SNX29: variants seen among roughly 807,000 people sequenced by gnomAD.
SNX29 encodes sorting nexin 29.
SNX29 carries 78 observed loss-of-function variants against 102.1 expected under a neutral mutation model. That is an observed-to-expected ratio of 0.76 (90% confidence interval 0.64 to 0.92). SNX29 has a LOEUF of 0.92. SNX29 is among the 40% of genes least tolerant of loss of function. The pLI is 0.00. For synonymous variants in SNX29, 580 were observed against 414.5 expected, an observed-to-expected ratio of 1.40 and a Z score of -4.85; for missense variants, 1,280 against 1,061.7, an observed-to-expected ratio of 1.21 and a Z score of -2.86.
intron 13 of SNX29, among the ~76,000 whole-genome samples, chr16:12,136,867 G>A (rs1483514039): frequency 6.6e-6 from 1 of 152,176 alleles, no homozygotes; most frequent in East Asian, 1.9e-4. Context: ...AGTCTCCTGA[G>A]TAGCTGGGAT....
At chr16:12,150,822 A>G (rs1028896758) in intron 13 of SNX29, among the ~76,000 whole-genome samples, 1 of 152,124 alleles carries the variant, frequency 6.6e-6, no homozygotes, top group Non-Finnish European at 1.5e-5. Context: ...CTTTTATCTG[A>G]ATTGGAAATT....
At chr16:11,980,320 C>G (rs1429223852) in intron 1 of SNX29, among the ~76,000 whole-genome samples, 1 of 152,140 alleles carries the variant, frequency 6.6e-6, no homozygotes, top group African/African-American at 2.4e-5. Flanking sequence ...GAGGTTAAAC[C>G]ACATTACAGC....
intron 14 of SNX29, among the ~76,000 whole-genome samples, chr16:12,268,939 C>T (rs369789257): frequency 6.6e-6 from 1 of 152,044 alleles, no homozygotes; most frequent in Non-Finnish European, 1.5e-5. Flanking sequence ...ACACAGATAC[C>T]CCCAAACAGA....
In SNX29 at chr16:12,027,550, G is replaced by T. The variant is rs976612255; in HGVS notation, c.247+106G>T. ...GCAGGGCAGTGATCGCGTGGGACTT[G>T]GTGGGGTGGTGTATGGGCACAGAAA... On this transcript the variant is annotated intron_variant, in intron 4 of 20. Coordinates refer to ENST00000566228, the MANE Select transcript of SNX29 (RefSeq NM_032167.5). 2.9e-6 allele frequency: 4 copies of T among 1,386,926 alleles called. No individual in the cohort carries two copies. The African/African-American group carries it at 5.8e-5, about 20-fold the overall frequency. The allele number at this position is 1,386,926 out of a possible 1,614,324, so 85.9% of individuals were successfully genotyped here. A position where few individuals can be genotyped will look rare whatever the true frequency, so the allele number is the denominator to read the frequency against.
intron 13 of SNX29, among the ~76,000 whole-genome samples, chr16:12,161,218 A>G (rs1392243452): frequency 6.6e-6 from 1 of 152,244 alleles, no homozygotes; most frequent in Non-Finnish European, 1.5e-5. Flanking sequence ...ACCTTTGGAT[A>G]GACAGGGAAT....
At chr16:12,032,487 T>C (rs1159427320) in intron 4 of SNX29, among the ~76,000 whole-genome samples, 5 of 152,110 alleles carry the variant, frequency 3.3e-5, no homozygotes, top group Non-Finnish European at 7.4e-5. Context: ...ATTACAGGCA[T>C]GAGCAACCGC....
chr16:12,551,296 C>G (rs2856781), intron 20 of SNX29, among the ~76,000 whole-genome samples: 4 of 151,986 alleles, frequency 2.6e-5, no homozygotes, highest in Non-Finnish European at 5.9e-5. Flanking sequence ...ACCAGTTTGT[C>G]AGCCCACCAA....
rs79749109 is a variant in SNX29, at chr16:12,347,847, G to A, written c.1783-8316G>A. ...AATCGTAGCACTTCGGGAGGCTGAGGCAGGAGGATTCCTTGAGTCCAGGAG... is the reference window on the plus strand; with the variant it reads ...AATCGTAGCACTTCGGGAGGCTGAGACAGGAGGATTCCTTGAGTCCAGGAG... On this transcript the variant is annotated intron_variant, in intron 15 of 20. Transcript: ENST00000566228. 1.3e-3 allele frequency among the ~76,000 whole-genome samples: 197 copies of A among 151,040 alleles called. 3 individuals are homozygous for A. In the East Asian group the frequency reaches 0.035, roughly 27 times the overall value.
chr16:12,123,775 G>A (rs2141364238), intron 11 of SNX29, among the ~76,000 whole-genome samples: 1 of 152,272 alleles, frequency 6.6e-6, no homozygotes, highest in South Asian at 2.1e-4. Flanking sequence ...TCCTAAGATG[G>A]GCTGGCAAAT....
intron 14 of SNX29, among the ~76,000 whole-genome samples, chr16:12,209,995 T>G (rs999645473): frequency 6.6e-6 from 1 of 152,224 alleles, no homozygotes; most frequent in Non-Finnish European, 1.5e-5. Flanking sequence ...TTTCTGTCTG[T>G]GTGCACGTGG....
chr16:12,238,616 G>A (rs978236533), intron 14 of SNX29, among the ~76,000 whole-genome samples: 2 of 152,156 alleles, frequency 1.3e-5, no homozygotes, highest in African/African-American at 2.4e-5. Context: ...GAGCCACCGC[G>A]TCCGGCCTTG....
rs1016286821 is a variant in SNX29 at position 12,572,226 on chromosome 16, A to T, written c.*3597A>T. ...GTGCTTTAAAAACCAGAGGCTCCTG[A>T]AAGTCGTTTACACCAGGTGGATTGA... On this transcript the variant is annotated 3_prime_UTR_variant, in exon 21 of 21. Coordinates refer to ENST00000566228, the MANE Select transcript of SNX29 (RefSeq NM_032167.5). 32 of 1,019,056 alleles carry T rather than the reference A, an allele frequency of 3.1e-5. No homozygotes were observed. In the African/African-American group the frequency reaches 4.2e-4, roughly 13 times the overall value. The allele number at this position is 1,019,056 out of a possible 1,614,324, so 63.1% of individuals were successfully genotyped here. A position where few individuals can be genotyped will look rare whatever the true frequency, so the allele number is the denominator to read the frequency against.
intron 20 of SNX29, among the ~76,000 whole-genome samples, chr16:12,537,062 A>C (rs1216686607): frequency 6.6e-6 from 1 of 152,186 alleles, no homozygotes; most frequent in Non-Finnish European, 1.5e-5. Context: ...CATATTTAGG[A>C]GACGATGTAG....
rs9452 is a variant in SNX29 at position 12,573,932 on chromosome 16, G to A, written c.*5303G>A. 1 of 201,326 alleles carries A rather than the reference G, an allele frequency of 5.0e-6. No homozygotes were observed. The highest frequency in any genetic ancestry group is 7.6e-5 in the East Asian group (1 of 13,168). 12.5% of individuals were successfully genotyped at this position (201,326 alleles called of 1,614,324 possible). ...CCTGACACCGACTTCTTAGAGAAGC[G>A]AGTCTTTTTTGAATGGAGGAGCGAT... On this transcript the variant is annotated 3_prime_UTR_variant, in exon 21 of 21. Coordinates refer to ENST00000566228, the MANE Select transcript of SNX29 (RefSeq NM_032167.5).
chr16:12,080,915 C>T (rs2051841709), intron 11 of SNX29, among the ~76,000 whole-genome samples: 1 of 152,004 alleles, frequency 6.6e-6, no homozygotes, highest in Admixed American at 6.6e-5. Flanking sequence ...AACTCCTGAC[C>T]TCATGATCTG....
chr16:11,989,165 G>T (rs1026117828), intron 1 of SNX29, among the ~76,000 whole-genome samples: 2 of 152,096 alleles, frequency 1.3e-5, no homozygotes, highest in African/African-American at 4.8e-5. Flanking sequence ...TAGAAACGGG[G>T]TTTCACCATG....
At chr16:12,426,067 G>A (rs116771079) in intron 18 of SNX29, among the ~76,000 whole-genome samples, 1,781 of 151,420 alleles carry the variant, frequency 0.012, 39 homozygotes, top group African/African-American at 0.041. Context: ...AAAAATATTT[G>A]GTTTTTTAGT....
chr16:12,404,188 A>G (rs1048944268), intron 18 of SNX29, among the ~76,000 whole-genome samples: 3 of 152,168 alleles, frequency 2.0e-5, no homozygotes, highest in African/African-American at 4.8e-5. Context: ...AGAAGGGGCA[A>G]TGGATACTGG....
At chr16:12,372,038 G>T (rs1035849478) in intron 16 of SNX29, among the ~76,000 whole-genome samples, 1 of 152,192 alleles carries the variant, frequency 6.6e-6, no homozygotes, top group Non-Finnish European at 1.5e-5. Context: ...ACTATCTAGA[G>T]TACAAAAGAC....
Sources: gnomAD v4.1 joint callset for allele counts (sites outside exome capture counted in the v4.1 genomes callset) on GRCh38, gnomAD v4.1.1 for gene constraint, MANE v1.5 for transcripts, NCBI Gene and HGNC (gene_info 2026-07-23, HGNC 2026-07-21) for gene names.